The following SLC4A10 variants were observed in gnomAD, a reference collection of about 807,000 sequenced individuals.
SLC4A10 encodes sodium-driven chloride bicarbonate exchanger.
Under a neutral mutation model 137.7 loss-of-function variants are expected in SLC4A10, and 42 were observed. The ratio of observed to expected loss-of-function variants is 0.30; its 90% CI spans 0.24 to 0.39. SLC4A10 has a LOEUF of 0.39. SLC4A10 is among the 10% of genes least tolerant of loss of function. The pLI is 1.00. For missense variants in SLC4A10, 925 were observed against 1,355.0 expected, an observed-to-expected ratio of 0.68 and a Z score of 4.98; for synonymous variants, 474 against 464.1, an observed-to-expected ratio of 1.02 and a Z score of -0.27.
rs2042080217 is a variant in SLC4A10, at chr2:161,692,284, G to T, written c.48+67718G>T. 2.0e-5 allele frequency among the ~76,000 whole-genome samples: 3 copies of T among 152,042 alleles called. No individual in the cohort carries two copies. In the South Asian group the frequency reaches 6.2e-4, roughly 32 times the overall value. ...GTAGATATATAGAAATATAAAATTA[G>T]ATAATTATTCAAAGAAAAATATATA... On this transcript the variant is annotated intron_variant, in intron 1 of 26. Transcript: ENST00000446997.
chr2:161,974,192 A>C (rs192055303), intron 23 of SLC4A10, 57 bp from the exon 24 acceptor site: 1 of 1,373,952 alleles, frequency 7.3e-7, no homozygotes, highest in East Asian at 2.4e-5. Context: ...TTTCTTCTTT[A>C]ATGTAAAATG....
intron 14 of SLC4A10, 145 bp downstream of exon 14, chr2:161,905,054 G>A: frequency 1.4e-6 from 1 of 713,014 alleles, no homozygotes; most frequent in Non-Finnish European, 2.2e-6. Flanking sequence ...CTTCATCATG[G>A]GAATAGAGGA....
At chr2:161,834,112 C>G (rs1575185146) in intron 3 of SLC4A10, among the ~76,000 whole-genome samples, 1 of 152,338 alleles carries the variant, frequency 6.6e-6, no homozygotes, top group Middle Eastern at 3.4e-3. Flanking sequence ...GGTACATCCT[C>G]CAAATGGTAG....
intron 1 of SLC4A10, among the ~76,000 whole-genome samples, chr2:161,638,701 T>C (rs2034823442): frequency 6.6e-6 from 1 of 152,094 alleles, no homozygotes; most frequent in Non-Finnish European, 1.5e-5. Flanking sequence ...ATTCTGTAGA[T>C]TGCTTTGAGT....
intron 15 of SLC4A10, among the ~76,000 whole-genome samples, chr2:161,938,397 T>C (rs1051492222): frequency 7.9e-5 from 12 of 152,108 alleles, no homozygotes; most frequent in Admixed American, 3.9e-4. Context: ...AATGCAGCAA[T>C]TGAGTTCACA....
intron 19 of SLC4A10, among the ~76,000 whole-genome samples, chr2:161,952,175 T>C (rs1042105467): frequency 1.3e-5 from 2 of 152,194 alleles, no homozygotes; most frequent in Non-Finnish European, 1.5e-5. Context: ...ATTTTTTTCT[T>C]ATTGTAAGTG....
chr2:161,881,461 T>A (rs573148773), intron 9 of SLC4A10, among the ~76,000 whole-genome samples: 1 of 152,182 alleles, frequency 6.6e-6, no homozygotes, highest in East Asian at 1.9e-4. Context: ...ATTTGCCTCA[T>A]GTAAAAACAT....
chr2:161,949,299 G>A lies in SLC4A10; in HGVS notation c.2379+38G>A, dbSNP rs777390649. 3 of 1,337,428 alleles carry A rather than the reference G, an allele frequency of 2.2e-6. No homozygotes were observed. In the East Asian group the frequency reaches 7.0e-5, roughly 31 times the overall value. The allele number at this position is 1,337,428 out of a possible 1,614,324, so 82.8% of individuals were successfully genotyped here. A position where few individuals can be genotyped will look rare whatever the true frequency, so the allele number is the denominator to read the frequency against. On this transcript the variant is annotated intron_variant, in intron 18 of 26. Transcript: ENST00000446997. ...TCTCTCCCTCTTCCCATCTCTCTCG[G>A]TCTAATCTTCATTTAGATGATACCT... is the stretch of plus-strand genomic sequence containing the variant.
chr2:161,754,416 G>T (rs1234351365), intron 1 of SLC4A10, among the ~76,000 whole-genome samples: 1 of 152,140 alleles, frequency 6.6e-6, no homozygotes, highest in African/African-American at 2.4e-5. Flanking sequence ...TTTTTGGGCT[G>T]CTAGGGTAAA....
At chr2:161,789,307 C>A (rs2053964750) in intron 2 of SLC4A10, among the ~76,000 whole-genome samples, 1 of 152,140 alleles carries the variant, frequency 6.6e-6, no homozygotes, top group South Asian at 2.1e-4. Flanking sequence ...AGAAGCACCC[C>A]AACCTATCCT....
At chr2:161,736,444 TA>T (rs1333299761) in intron 1 of SLC4A10, among the ~76,000 whole-genome samples, 11 of 152,224 alleles carry the variant, frequency 7.2e-5, no homozygotes, top group African/African-American at 2.4e-4. Flanking sequence ...TTGGGTAATT[TA>T]TAAAGGAAAG....
chr2:161,936,636 C>T (rs1314332432), intron 15 of SLC4A10, among the ~76,000 whole-genome samples: 16 of 152,002 alleles, frequency 1.1e-4, no homozygotes, highest in Non-Finnish European at 1.9e-4. Context: ...AATGTCTCCT[C>T]TTTCATTTCT....
chr2:161,625,307 G>A (rs1056611384), intron 1 of SLC4A10, among the ~76,000 whole-genome samples: 1 of 151,900 alleles, frequency 6.6e-6, no homozygotes, highest in African/African-American at 2.4e-5. Context: ...TGATGGATTT[G>A]CCTATCCTCT....
chr2:161,956,174 CCAAA>C (rs1233339131), intron 19 of SLC4A10, among the ~76,000 whole-genome samples: 7 of 152,092 alleles, frequency 4.6e-5, no homozygotes, highest in African/African-American at 1.4e-4. Context: ...AGATATTATT[CCAAA>C]TGATTTACAA....
chr2:161,758,882 G>C (rs986387612), intron 1 of SLC4A10, among the ~76,000 whole-genome samples: 4 of 151,918 alleles, frequency 2.6e-5, no homozygotes, highest in Non-Finnish European at 4.4e-5. Flanking sequence ...TTAGGTTGAA[G>C]CAAAGATAGG....
At chr2:161,729,994 C>T (rs2046659371) in intron 1 of SLC4A10, among the ~76,000 whole-genome samples, 1 of 152,142 alleles carries the variant, frequency 6.6e-6, no homozygotes, top group Non-Finnish European at 1.5e-5. Flanking sequence ...TCTTGGGTTA[C>T]TGAATGCTCT....
intron 6 of SLC4A10, among the ~76,000 whole-genome samples, chr2:161,868,873 A>G (rs556049702): frequency 1.3e-5 from 2 of 151,738 alleles, no homozygotes; most frequent in East Asian, 3.9e-4. Flanking sequence ...TTTCATAGTC[A>G]TCCTCATGCC....
intron 1 of SLC4A10, among the ~76,000 whole-genome samples, chr2:161,708,335 C>T (rs1483202622): frequency 6.6e-6 from 1 of 151,410 alleles, no homozygotes; most frequent in Non-Finnish European, 1.5e-5. Context: ...TAAGAGTTGA[C>T]ATTTTAACAT....
intron 1 of SLC4A10, among the ~76,000 whole-genome samples, chr2:161,697,130 T>C (rs1450536376): frequency 6.6e-6 from 1 of 152,176 alleles, no homozygotes; most frequent in Non-Finnish European, 1.5e-5. Flanking sequence ...GTTCATATCC[T>C]TCGCCCACTT....
Sources: gnomAD v4.1 joint callset for allele counts (sites outside exome capture counted in the v4.1 genomes callset) on GRCh38, gnomAD v4.1.1 for gene constraint, MANE v1.5 for transcripts, NCBI Gene and HGNC (gene_info 2026-07-23, HGNC 2026-07-21) for gene names.